The following GRM5 variants were observed in gnomAD, a reference collection of about 807,000 sequenced individuals.
GRM5 encodes glutamate metabotropic receptor 5.
GRM5 carries 19 observed loss-of-function variants against 83.1 expected under a neutral mutation model. The ratio of observed to expected loss-of-function variants is 0.23; its 90% CI spans 0.16 to 0.34. The LOEUF (loss-of-function observed/expected upper bound fraction) is 0.34, where lower values mean the gene tolerates loss of function less well. GRM5 is among the 10% of genes least tolerant of loss of function. The pLI is 1.00. For missense variants in GRM5, 1,160 were observed against 1,588.3 expected, an observed-to-expected ratio of 0.73 and a Z score of 4.58; for synonymous variants, 675 against 633.6, an observed-to-expected ratio of 1.07 and a Z score of -0.98.
Position 88,637,103 on chromosome 11 carries a change from C to A in GRM5, c.1147+16065G>T, listed in dbSNP as rs1939149412. On this transcript the variant is annotated intron_variant, in intron 4 of 9. Coordinates refer to ENST00000305447, the MANE Select transcript of GRM5 (RefSeq NM_001143831.3). The stretch of plus-strand genomic sequence containing the variant: ...ATTCTGTGAAGAAAGTCATTGGTAG[C>A]TTGATGGGGATGGCATTGAATCTAT... Among the ~76,000 whole-genome samples the A allele has an allele frequency of 5.9e-5, 9 of 152,110 alleles. No homozygotes were observed. The South Asian group carries it at 1.9e-3, about 32-fold the overall frequency.
chr11:88,624,537 C>T (rs1412764961), intron 4 of GRM5, among the ~76,000 whole-genome samples: 2 of 152,104 alleles, frequency 1.3e-5, no homozygotes, highest in Non-Finnish European at 2.9e-5. Context: ...AAATTTCAGG[C>T]TGGGTATGGT....
chr11:88,821,094 T>G (rs952941282), intron 3 of GRM5, among the ~76,000 whole-genome samples: 2 of 152,094 alleles, frequency 1.3e-5, no homozygotes, highest in African/African-American at 2.4e-5. Flanking sequence ...ATGACCTCAG[T>G]TGAATTCCCG....
chr11:89,059,089 C>T (rs1159780245), intron 1 of GRM5, among the ~76,000 whole-genome samples: 2 of 152,122 alleles, frequency 1.3e-5, no homozygotes, highest in African/African-American at 2.4e-5. Context: ...ACTATTATCA[C>T]TGTGATTACA....
chr11:88,837,600 C>G (rs1253843348), intron 3 of GRM5, among the ~76,000 whole-genome samples: 1 of 152,166 alleles, frequency 6.6e-6, no homozygotes, highest in Non-Finnish European at 1.5e-5. Context: ...CTTTAAAGCA[C>G]AAGCTCTAGT....
rs150514025 is a variant in GRM5, at chr11:88,725,084, G to A, written c.912-71681C>T. The stretch of plus-strand genomic sequence containing the variant: ...CCCTGGAAAGGGGGCTGAAGCCAGG[G>A]AGCCAAGTGGATCCCATCCTCATGG... On this transcript the variant is annotated intron_variant, in intron 3 of 9. Coordinates refer to ENST00000305447, the MANE Select transcript of GRM5 (RefSeq NM_001143831.3). Among the ~76,000 whole-genome samples, 751 of 152,192 alleles carry A rather than the reference G, an allele frequency of 4.9e-3. 13 individuals are homozygous for A. Among genetic ancestry groups the A allele is most frequent in the East Asian group, 0.026 (133 of 5,150 alleles).
At chr11:89,031,581 C>T (rs1941264294) in intron 2 of GRM5, among the ~76,000 whole-genome samples, 1 of 151,728 alleles carries the variant, frequency 6.6e-6, no homozygotes, top group Non-Finnish European at 1.5e-5. Context: ...TTACAATGCT[C>T]AGTAAAATGA....
chr11:88,938,651 C>T (rs1937982129), intron 2 of GRM5, among the ~76,000 whole-genome samples: 1 of 151,230 alleles, frequency 6.6e-6, no homozygotes, highest in African/African-American at 2.4e-5. Context: ...CAGTCATTCT[C>T]ATTCACTGGG....
At chr11:88,898,803 T>G (rs1477127295) in intron 2 of GRM5, among the ~76,000 whole-genome samples, 2 of 152,042 alleles carry the variant, frequency 1.3e-5, no homozygotes, top group Non-Finnish European at 2.9e-5. Flanking sequence ...CTATCTGGCT[T>G]GCTACTACTT....
chr11:88,879,430 ATAT>A (rs1358582844), intron 2 of GRM5, among the ~76,000 whole-genome samples: 1 of 151,568 alleles, frequency 6.6e-6, no homozygotes, highest in Non-Finnish European at 1.5e-5. Flanking sequence ...TTAGATATTA[ATAT>A]TATATTAATA....
intron 2 of GRM5, among the ~76,000 whole-genome samples, chr11:89,045,881 T>G (rs1941631296): frequency 6.6e-6 from 1 of 152,192 alleles, no homozygotes; most frequent in Non-Finnish European, 1.5e-5. Context: ...CTGCTAATTT[T>G]CACCAATTGT....
At chr11:88,993,477 A>G (rs1940064559) in intron 2 of GRM5, among the ~76,000 whole-genome samples, 2 of 152,112 alleles carry the variant, frequency 1.3e-5, no homozygotes, top group Admixed American at 6.6e-5. Context: ...ACTGAGTACC[A>G]TACTTTCTAA....
intron 2 of GRM5, among the ~76,000 whole-genome samples, chr11:89,039,154 A>T (rs1337193272): frequency 6.6e-6 from 1 of 151,796 alleles, no homozygotes; most frequent in African/African-American, 2.4e-5. Flanking sequence ...AATCCCAGCT[A>T]CTCGGGAGAC....
At chr11:88,691,719 G>A (rs1940784809) in intron 3 of GRM5, among the ~76,000 whole-genome samples, 1 of 152,136 alleles carries the variant, frequency 6.6e-6, no homozygotes, top group African/African-American at 2.4e-5. Context: ...GTTCCCACTT[G>A]TCTCTTTTCT....
intron 4 of GRM5, among the ~76,000 whole-genome samples, chr11:88,642,180 A>G (rs1280627971): frequency 6.6e-6 from 1 of 152,134 alleles, no homozygotes; most frequent in African/African-American, 2.4e-5. Context: ...ACCAAAGCTT[A>G]TGACTTCCAT....
At chr11:88,914,238 C>A (rs945576355) in intron 2 of GRM5, among the ~76,000 whole-genome samples, 1 of 152,136 alleles carries the variant, frequency 6.6e-6, no homozygotes, top group Non-Finnish European at 1.5e-5. Context: ...ACAGAGGGTG[C>A]TCAAATTTCT....
At chr11:88,823,748 A>C (rs1360396006) in intron 3 of GRM5, among the ~76,000 whole-genome samples, 1 of 152,154 alleles carries the variant, frequency 6.6e-6, no homozygotes, top group East Asian at 1.9e-4. Flanking sequence ...TTGGGCTATC[A>C]ACATTTAGTT....
At chr11:88,845,180 T>C (rs1944276648) in intron 3 of GRM5, among the ~76,000 whole-genome samples, 2 of 152,110 alleles carry the variant, frequency 1.3e-5, no homozygotes, top group South Asian at 2.1e-4. Flanking sequence ...AACTTCATTG[T>C]TGTCTTATTT....
chr11:88,548,715 T>C (rs2135143340), intron 8 of GRM5, among the ~76,000 whole-genome samples: 1 of 152,344 alleles, frequency 6.6e-6, no homozygotes, highest in African/African-American at 2.4e-5. Flanking sequence ...TGAGAGACAT[T>C]AATATATTTA....
chr11:88,886,387 C>A (rs2135579301), intron 2 of GRM5, among the ~76,000 whole-genome samples: 1 of 152,252 alleles, frequency 6.6e-6, no homozygotes, highest in Non-Finnish European at 1.5e-5. Context: ...TCCTTTTATT[C>A]TGAGGCCCTT....
Sources: allele counts gnomAD v4.1 joint callset (sites outside exome capture counted in the v4.1 genomes callset), GRCh38; gene constraint gnomAD v4.1.1; transcripts MANE v1.5; gene names NCBI Gene and HGNC (gene_info 2026-07-23, HGNC 2026-07-21).